RBM20: variants seen among roughly 807,000 people sequenced by gnomAD.
RBM20 encodes RNA binding motif protein 20.
A neutral mutation model predicts 110.1 loss-of-function variants in RBM20; 51 were observed. The ratio of observed to expected loss-of-function variants is 0.46; its 90% confidence interval spans 0.37 to 0.59. The LOEUF (loss-of-function observed/expected upper bound fraction) is 0.59, where lower values mean the gene tolerates loss of function less well. Among genes scored for constraint, RBM20 ranks in the 20% least tolerant of loss-of-function variants. The probability of loss-of-function intolerance (pLI) is 0.00; values close to 1 mark genes in which losing one functional copy is unlikely to be tolerated. For synonymous variants in RBM20, 589 were observed against 618.2 expected (o/e 0.95, Z 0.70); for missense variants, 1,512 against 1,574.9 (o/e 0.96, Z 0.68).
chr10:110,737,199 A>AAAACC (rs1843681745), intron 1 of RBM20, among the ~76,000 whole-genome samples: 1 of 141,894 alleles, frequency 7.0e-6, no homozygotes, highest in Non-Finnish European at 1.5e-5. Context: ...AAAAAAAAAC[A>AAAACC]CCCCACACAC....
intron 9 of RBM20, among the ~76,000 whole-genome samples, chr10:110,814,715 C>T (rs748421839): frequency 6.6e-6 from 1 of 152,134 alleles, no homozygotes; most frequent in East Asian, 1.9e-4. Context: ...AGGCTGGTCT[C>T]GAACTGCTGA....
chr10:110,655,871 G>A (rs1354340355), intron 1 of RBM20, among the ~76,000 whole-genome samples: 1 of 150,080 alleles, frequency 6.7e-6, no homozygotes, highest in Admixed American at 6.7e-5. Context: ...ACAATTCAGA[G>A]GTCTAATAAT....
intron 1 of RBM20, among the ~76,000 whole-genome samples, chr10:110,661,966 A>T (rs945208128): frequency 2.6e-5 from 4 of 151,346 alleles, no homozygotes; most frequent in Non-Finnish European, 5.9e-5. Context: ...AGCTGAGATC[A>T]TGCCATTGCA....
chr10:110,768,690 G>A (rs539355538), intron 1 of RBM20, among the ~76,000 whole-genome samples: 6 of 152,308 alleles, frequency 3.9e-5, no homozygotes, highest in Middle Eastern at 3.4e-3. Flanking sequence ...GAGCCACATA[G>A]GCACTTGGGA....
chr10:110,820,831 G>C (rs1485273695), intron 10 of RBM20, among the ~76,000 whole-genome samples: 2 of 152,204 alleles, frequency 1.3e-5, no homozygotes, highest in Non-Finnish European at 2.9e-5. Flanking sequence ...AAGGGGCCTA[G>C]TAGAAGCTTT....
chr10:110,788,414 G>A (rs963965587), intron 5 of RBM20, among the ~76,000 whole-genome samples: 2 of 152,350 alleles, frequency 1.3e-5, no homozygotes, highest in South Asian at 2.1e-4. Context: ...CCCAGTGGAA[G>A]GGGAGAGTCA....
At chr10:110,722,239 A>T (rs780514127) in intron 1 of RBM20, among the ~76,000 whole-genome samples, 15 of 152,190 alleles carry the variant, frequency 9.9e-5, no homozygotes, top group Non-Finnish European at 1.9e-4. Flanking sequence ...AGGCATTTTT[A>T]AATTAATTTT....
intron 1 of RBM20, among the ~76,000 whole-genome samples, chr10:110,714,047 A>C (rs776485733): frequency 2.6e-5 from 4 of 152,224 alleles, no homozygotes; most frequent in Non-Finnish European, 4.4e-5. Flanking sequence ...CTGGCTAAGC[A>C]GATCTGTGCC....
chr10:110,754,923 G>A (rs951035360), intron 1 of RBM20, among the ~76,000 whole-genome samples: 36 of 152,238 alleles, frequency 2.4e-4, no homozygotes, highest in East Asian at 1.3e-3. Context: ...GTTATTGCCC[G>A]TAAAGAAATT....
At chr10:110,718,608 C>CTTTTTTTT (rs61629487) in intron 1 of RBM20, among the ~76,000 whole-genome samples, 81 of 101,540 alleles carry the variant, frequency 8.0e-4, no homozygotes, top group Middle Eastern at 7.2e-3. Context: ...CTACTCCATT[C>CTTTTTTTT]TTTTTTTTTT....
intron 1 of RBM20, among the ~76,000 whole-genome samples, chr10:110,672,553 C>G (rs1450544486): frequency 6.6e-6 from 1 of 152,248 alleles, no homozygotes; most frequent in Non-Finnish European, 1.5e-5. Context: ...GCGGTCTTCC[C>G]GGGTGTTCGC....
rs937532910 is a variant in RBM20, at chr10:110,725,812, C to T, written c.192-54989C>T. On this transcript the variant is annotated intron_variant, in intron 1 of 13. Transcript: ENST00000369519. ...ATTGTATGGCATATAGCTGGGGTGG[C>T]GTGTGTATAGGAAGCTGAGAGCATT... Among the ~76,000 whole-genome samples, 4 of 152,286 alleles carry T rather than the reference C, an allele frequency of 2.6e-5. No individual in the cohort carries two copies. In the East Asian group the frequency reaches 7.7e-4, roughly 29 times the overall value.
rs138722848 is a variant in RBM20 at position 110,689,943 on chromosome 10, T to G, written c.191+45298T>G. ...CACTCATAAAAGAGATATCTTAATT[T>G]TAAGTGCTTCCAGAAAATGGGAATG... On this transcript the variant is annotated intron_variant, in intron 1 of 13. Coordinates refer to ENST00000369519, the MANE Select transcript of RBM20 (RefSeq NM_001134363.3). Among the ~76,000 whole-genome samples the G allele has an allele frequency of 4.5e-3, 682 of 152,324 alleles. 6 individuals are homozygous for G. Among genetic ancestry groups the G allele is most frequent in the Admixed American group, 0.016 (248 of 15,296 alleles).
rs985498436 is a variant in RBM20 at position 110,836,928 on chromosome 10, C to T, written c.*950C>T. The T allele has an allele frequency of 6.6e-6, 1 of 152,208 alleles. No homozygotes were observed. The highest frequency in any genetic ancestry group is 6.5e-5 in the Admixed American group (1 of 15,280). 9.4% of individuals were successfully genotyped at this position (152,208 alleles called of 1,614,324 possible). A position where few individuals can be genotyped will look rare whatever the true frequency, so the allele number is the denominator to read the frequency against. ...AAGCACAGCTTTGGCTCGAGAGGCA[C>T]AGCTCCAGGCTGTGGAAAACAGAGT... is the stretch of plus-strand genomic sequence containing the variant. On this transcript the variant is annotated 3_prime_UTR_variant, in exon 14 of 14. Transcript: ENST00000369519.
intron 1 of RBM20, among the ~76,000 whole-genome samples, chr10:110,758,598 A>G (rs912100606): frequency 2.6e-5 from 4 of 152,194 alleles, no homozygotes; most frequent in African/African-American, 9.7e-5. Context: ...ACTCAGTCAC[A>G]TGAAGATATG....
Position 110,754,835 on chromosome 10 carries a change from T to C in RBM20, c.192-25966T>C, listed in dbSNP as rs140443485. Among the ~76,000 whole-genome samples the C allele has an allele frequency of 3.3e-3, 496 of 152,360 alleles. 2 individuals carry two copies. Among genetic ancestry groups the C allele is most frequent in the African/African-American group, 9.7e-3 (405 of 41,584 alleles). Reference sequence around the variant, plus strand: ...GTCGGTTTCTGCTCTCTGCTGTTTATGCTGGTTCTCACTCATGTTGCCTTA... The same window carrying C: ...GTCGGTTTCTGCTCTCTGCTGTTTACGCTGGTTCTCACTCATGTTGCCTTA... On this transcript the variant is annotated intron_variant, in intron 1 of 13. Transcript: ENST00000369519.
In RBM20 at chr10:110,836,379, A is replaced by G. The variant is rs888942179; in HGVS notation, c.*401A>G. On this transcript the variant is annotated 3_prime_UTR_variant, in exon 14 of 14. Transcript: ENST00000369519. ...TGGTAGGATATAACAGGTCAGGCCT[A>G]GCTGAGTCAGGCAAGGAAAAGGTTT... 2 of 154,340 alleles carry G rather than the reference A, an allele frequency of 1.3e-5. No individual in the cohort carries two copies. The highest frequency in any genetic ancestry group is 2.4e-5 in the African/African-American group (1 of 41,482). 9.6% of individuals were successfully genotyped at this position (154,340 alleles called of 1,614,324 possible).
intron 11 of RBM20, chr10:110,822,327 G>A: frequency 2.3e-6 from 1 of 434,642 alleles, no homozygotes; most frequent in Non-Finnish European, 4.5e-6. Context: ...ATGGGGGCAA[G>A]AGTAGGGGAT....
intron 10 of RBM20, among the ~76,000 whole-genome samples, chr10:110,820,447 A>G (rs971688197): frequency 2.6e-5 from 4 of 152,214 alleles, no homozygotes; most frequent in East Asian, 1.9e-4. Context: ...CATGTGCCCA[A>G]AAAAAGACTC....
Sources: allele counts gnomAD v4.1 joint callset (sites outside exome capture counted in the v4.1 genomes callset), GRCh38; gene constraint gnomAD v4.1.1; transcripts MANE v1.5; gene names NCBI Gene and HGNC (gene_info 2026-07-23, HGNC 2026-07-21).